Variants in USP1 observed in about 807,000 individuals in gnomAD.
USP1 encodes ubiquitin carboxyl-terminal hydrolase 1.
In USP1, 18 loss-of-function variants were observed where a neutral mutation model predicts 72.2. That is an observed-to-expected ratio of 0.25 (90% CI 0.17 to 0.37). The LOEUF is 0.37. Ranked by LOEUF, USP1 falls within the 10% of genes least tolerant of loss-of-function variation. The pLI is 1.00. For missense variants in USP1, 759 were observed against 884.9 expected (o/e 0.86, Z 1.81); for synonymous variants, 354 against 303.7 (o/e 1.17, Z -1.72).
rs147049871 is a variant in USP1 at position 62,444,965 on chromosome 1, A to C, written c.785A>C (p.Glu262Ala). 6.2e-7 allele frequency: 1 copy of C among 1,613,690 alleles called. No individual in the cohort carries two copies. The highest frequency in any genetic ancestry group is 1.3e-5 in the African/African-American group (1 of 74,920). Residue 262 changes from glutamate (E) to alanine (A), a missense_variant, in exon 6 of 9, where the codon GAG becomes GCG. Glu to Ala is a moderately radical substitution (Grantham distance 107). Coordinates refer to ENST00000339950, the MANE Select transcript of USP1 (RefSeq NM_003368.5). ...DSMRHSEDFK[E>A]KLPKGNGKRK... is the part of the protein sequence containing the mutation. The stretch of plus-strand genomic sequence containing the variant: ...ATGAGGCATTCTGAAGACTTTAAAG[A>C]GAAACTCCCAAAAGGAAATGGGAAA...
intron 7 of USP1, 22 bp downstream of exon 7, chr1:62,447,533 T>C: frequency 6.2e-7 from 1 of 1,600,626 alleles, no homozygotes; most frequent in Non-Finnish European, 8.5e-7. Flanking sequence ...TGGAGTCTTG[T>C]GTGGACCATG....
intron 1 of USP1, among the ~76,000 whole-genome samples, chr1:62,438,123 T>C (rs1645104917): frequency 6.6e-6 from 1 of 151,484 alleles, no homozygotes; most frequent in Non-Finnish European, 1.5e-5. Flanking sequence ...CGGTGTGAGC[T>C]TTGCTTTGAG....
rs1279855427 is a variant in USP1, at chr1:62,440,020, A to T, written c.153A>T (p.Glu51Asp). The T allele has an allele frequency of 6.5e-7, 1 of 1,532,212 alleles. No individual in the cohort carries two copies. The highest frequency in any genetic ancestry group is 2.4e-5 in the East Asian group (1 of 42,280). The allele number at this position is 1,532,212 out of a possible 1,614,324, so 94.9% of individuals were successfully genotyped here. A position where few individuals can be genotyped will look rare whatever the true frequency, so the allele number is the denominator to read the frequency against. ...AAGAAAATGAAGAAAAAGCTTCTGA[A>T]TATAGAGCATCTGAAATGTATGTAT... ...DSQENEEKASEYRASEIDQVV... is the reference protein window; with the variant it reads ...DSQENEEKASDYRASEIDQVV... The change falls in exon 2 of 9, where the codon GAA becomes GAT. Residue 51 changes from glutamate (E) to aspartate (D), a missense_variant. Physicochemically the swap from Glu to Asp is conservative, Grantham distance 45 (BLOSUM62 2). Coordinates refer to ENST00000339950, the MANE Select transcript of USP1 (RefSeq NM_003368.5).
Position 62,448,631 on chromosome 1 carries a change from T to A in USP1, c.1587T>A (p.Thr529=). 6.2e-7 allele frequency: 1 copy of A among 1,613,430 alleles called. No homozygotes were observed. The highest frequency in any genetic ancestry group is 8.5e-7 in the Non-Finnish European group (1 of 1,179,908). Reference sequence around the variant, plus strand: ...TTGACAAAATGCCTGAAGTTATAACTATTCATTTGAAGTGCTTTGCTGCTA... The same window carrying A: ...TTGACAAAATGCCTGAAGTTATAACAATTCATTTGAAGTGCTTTGCTGCTA... ...LLFDKMPEVI[T]IHLKCFAASG... is the part of the protein sequence containing the mutation. The change falls in exon 8 of 9, where the codon ACT becomes ACA. Residue 529 remains threonine, a synonymous_variant. Transcript: ENST00000339950.
intron 2 of USP1, 85 bp from the exon 3 acceptor site, chr1:62,441,403 G>T: frequency 7.2e-7 from 1 of 1,386,094 alleles, no homozygotes; most frequent in Admixed American, 3.0e-5. Context: ...ACAACTTTTG[G>T]GAAAAGACTA....
intron 6 of USP1, 68 bp downstream of exon 6, chr1:62,445,497 C>T: frequency 2.2e-6 from 3 of 1,351,930 alleles, no homozygotes; most frequent in South Asian, 3.3e-5. Flanking sequence ...TTTTCTCTTC[C>T]TAGATACATG....
Position 62,441,613 on chromosome 1 carries a change from A to G in USP1, c.291+5A>G. ...TATCTTAATAGTATACTTCAGGTAAATTGACAATTTTGCTATATCATAAAG... is the reference window on the plus strand; with the variant it reads ...TATCTTAATAGTATACTTCAGGTAAGTTGACAATTTTGCTATATCATAAAG... On this transcript the variant is annotated splice_donor_5th_base_variant and intron_variant, in intron 3 of 8. Transcript: ENST00000339950. 1 of 1,602,608 alleles carries G rather than the reference A, an allele frequency of 6.2e-7. No homozygotes were observed. Among genetic ancestry groups the G allele is most frequent in the Admixed American group, 1.8e-5 (1 of 56,880 alleles).
intron 5 of USP1, 67 bp downstream of exon 5, chr1:62,443,386 A>G (rs1645146654): frequency 7.0e-7 from 1 of 1,429,730 alleles, no homozygotes; most frequent in Non-Finnish European, 9.3e-7. Flanking sequence ...GAGGAGAATG[A>G]CATGCGAAGA....
intron 8 of USP1, among the ~76,000 whole-genome samples, chr1:62,449,801 A>G (rs1255570359): frequency 1.3e-5 from 2 of 151,704 alleles, no homozygotes. Context: ...GGTCCCAACT[A>G]CTCAGGAGGC....
chr1:62,439,042 A>G (rs1480271229), intron 1 of USP1, among the ~76,000 whole-genome samples: 2 of 152,212 alleles, frequency 1.3e-5, no homozygotes, highest in Non-Finnish European at 2.9e-5. Context: ...ATCCATGTTA[A>G]TAACTAGAAA....
chr1:62,445,110 A>G lies in USP1; in HGVS notation c.930A>G (p.Thr310=), dbSNP rs750726838. Reference sequence around the variant, plus strand: ...CAAAAAGAAAAGCTACAAGTGATACATTAGAGAGTCCTCCTAAAATAATTC... The same window carrying G: ...CAAAAAGAAAAGCTACAAGTGATACGTTAGAGAGTCCTCCTAAAATAATTC... ...TRSKRKATSD[T]LESPPKIIPK... is the part of the protein sequence containing the mutation. The change falls in exon 6 of 9, where the codon ACA becomes ACG. Residue 310 remains threonine (T), a synonymous_variant. Transcript: ENST00000339950. 1 of 1,613,544 alleles carries G rather than the reference A, an allele frequency of 6.2e-7. No homozygotes were observed. The highest frequency in any genetic ancestry group is 8.5e-7 in the Non-Finnish European group (1 of 1,179,872).
At position 62,448,514 on chromosome 1, in the gene USP1, A is replaced by C; in HGVS notation, c.1470A>C (p.Ser490=). 1 of 1,613,992 alleles carries C rather than the reference A, an allele frequency of 6.2e-7. No homozygotes were observed. Among genetic ancestry groups the C allele is most frequent in the South Asian group, 1.1e-5 (1 of 91,086 alleles). The change falls in exon 8 of 9, where the codon TCA becomes TCC. Residue 490 remains serine, a synonymous_variant. Coordinates refer to ENST00000339950, the MANE Select transcript of USP1 (RefSeq NM_003368.5). ...TGAAGACCCTGAGATGGGCAATTTC[A>C]CAATTTGCTTCAGTAGAAAGGATTG... ...TEMKTLRWAI[S]QFASVERIVG... is the part of the protein sequence containing the mutation.
chr1:62,443,092 A>G, intron 4 of USP1, 67 bp from the exon 5 acceptor site: 2 of 1,515,992 alleles, frequency 1.3e-6, no homozygotes, highest in Non-Finnish European at 8.9e-7. Context: ...AAGTGAGACA[A>G]AGACAAAGGG....
At position 62,445,007 on chromosome 1, in the gene USP1, A is replaced by C. The variant is rs1645160494; in HGVS notation, c.827A>C (p.Glu276Ala). ...AATGGGAAAAGAAAAAGTGACACTG[A>C]ATTTGGTAACATGAAGAAAAAAGTT... ...KGNGKRKSDT[E>A]FGNMKKKVKL... Residue 276 changes from glutamate (E) to alanine (A), a missense_variant, in exon 6 of 9, where the codon GAA becomes GCA. By Grantham distance (107) the Glu-to-Ala change is moderately radical (BLOSUM62 -1). Coordinates refer to ENST00000339950, the MANE Select transcript of USP1 (RefSeq NM_003368.5). 2 of 1,613,384 alleles carry C rather than the reference A, an allele frequency of 1.2e-6. No individual in the cohort carries two copies. The highest frequency in any genetic ancestry group is 1.1e-5 in the South Asian group (1 of 90,984).
intron 2 of USP1, 91 bp downstream of exon 2, chr1:62,440,128 A>G (rs1645122291): frequency 4.2e-6 from 5 of 1,200,786 alleles, no homozygotes; most frequent in Non-Finnish European, 5.5e-6. Context: ...GATAGTCTGT[A>G]GCGGCACAAA....
At position 62,439,896 on chromosome 1, in the gene USP1, A is replaced by G. The variant is rs1421837113; in HGVS notation, c.29A>G (p.Asn10Ser). ...CCTGGTGTCATACCTAGTGAAAGTA[A>G]TGGACTTTCAAGAGGTAGCCCTTCA... MPGVIPSESNGLSRGSPSKK... is the reference protein window; with the variant it reads MPGVIPSESSGLSRGSPSKK... The change falls in exon 2 of 9, where the codon AAT becomes AGT. Residue 10 changes from asparagine (N) to serine (S), a missense_variant. By Grantham distance (46) the Asn-to-Ser change is conservative. This residue lies in a region of USP1 where 86 missense variants were observed against 82.0 expected (regional missense o/e 1.05). Coordinates refer to ENST00000339950, the MANE Select transcript of USP1 (RefSeq NM_003368.5). 3 of 1,526,832 alleles carry G rather than the reference A, an allele frequency of 2.0e-6. No individual in the cohort carries two copies. The highest frequency in any genetic ancestry group is 2.6e-6 in the Non-Finnish European group (3 of 1,143,266). The allele number at this position is 1,526,832 out of a possible 1,614,324, so 94.6% of individuals were successfully genotyped here.
chr1:62,448,527 G>A lies in USP1; in HGVS notation c.1483G>A (p.Val495Ile), dbSNP rs1191327140. ...LRWAISQFAS[V>I]ERIVGEDKYF... is the part of the protein sequence containing the mutation. ...ATGGGCAATTTCACAATTTGCTTCA[G>A]TAGAAAGGATTGTAGGAGAAGATAA... is the stretch of plus-strand genomic sequence containing the variant. The change falls in exon 8 of 9, where the codon GTA (valine) becomes ATA (isoleucine). Residue 495 changes from valine (V) to isoleucine (I), a missense_variant. Physicochemically the swap from Val to Ile is conservative, Grantham distance 29. Coordinates refer to ENST00000339950, the MANE Select transcript of USP1 (RefSeq NM_003368.5). 1 of 1,613,848 alleles carries A rather than the reference G, an allele frequency of 6.2e-7. No individual in the cohort carries two copies. Among genetic ancestry groups the A allele is most frequent in the Non-Finnish European group, 8.5e-7 (1 of 1,179,940 alleles).
intron 1 of USP1, among the ~76,000 whole-genome samples, chr1:62,438,862 A>G (rs1645111289): frequency 6.6e-6 from 1 of 152,248 alleles, no homozygotes; most frequent in Non-Finnish European, 1.5e-5. Context: ...TTTCTAGTGC[A>G]TTAAGAATTG....
At chr1:62,443,351 A>C in intron 5 of USP1, 32 bp downstream of exon 5, 1 of 1,549,704 alleles carries the variant, frequency 6.5e-7, no homozygotes, top group Non-Finnish European at 8.7e-7. Flanking sequence ...TAGGGTTTCA[A>C]TTTAGCTACT....
Sources: allele counts gnomAD v4.1 joint callset (sites outside exome capture counted in the v4.1 genomes callset), GRCh38; gene constraint gnomAD v4.1.1; regional missense constraint gnomAD v4.1.1; transcripts MANE v1.5; gene names NCBI Gene and HGNC (gene_info 2026-07-23, HGNC 2026-07-21).